Variants in SNCAIP observed in about 807,000 individuals in gnomAD.
SNCAIP encodes synuclein alpha interacting protein, also known as synphilin-1.
A neutral mutation model predicts 86.7 loss-of-function variants in SNCAIP; 43 were observed. That is an observed-to-expected ratio of 0.50 (90% CI 0.39 to 0.64). SNCAIP has a LOEUF of 0.64. SNCAIP is among the 30% of genes least tolerant of loss of function. SNCAIP has a pLI of 0.00. For synonymous variants in SNCAIP, 417 were observed against 427.2 expected (o/e 0.98, Z 0.29); for missense variants, 981 against 1,103.1 (o/e 0.89, Z 1.57).
At chr5:122,399,335 A>G (rs573550583) in intron 2 of SNCAIP, among the ~76,000 whole-genome samples, 14 of 152,292 alleles carry the variant, frequency 9.2e-5, no homozygotes, top group African/African-American at 3.1e-4. Context: ...TGAGCCCCAG[A>G]GATATTAAAT....
chr5:122,403,787 G>T lies in SNCAIP; in HGVS notation c.58-6G>T. ...TATGCCCTCTCTTCTCTGGCTTCCC[G>T]TTCAGTATTCAGTCACATCACTCAA... is the stretch of plus-strand genomic sequence containing the variant. On this transcript the variant is annotated splice_region_variant and splice_polypyrimidine_tract_variant and intron_variant, in intron 2 of 10. Coordinates refer to ENST00000261368, the MANE Select transcript of SNCAIP (RefSeq NM_005460.4). 6.2e-7 allele frequency: 1 copy of T among 1,611,674 alleles called. No homozygotes were observed. Among genetic ancestry groups the T allele is most frequent in the Non-Finnish European group, 8.5e-7 (1 of 1,177,874 alleles).
chr5:122,441,633 T>G (rs774427251), intron 7 of SNCAIP, among the ~76,000 whole-genome samples: 4 of 152,124 alleles, frequency 2.6e-5, no homozygotes, highest in Non-Finnish European at 5.9e-5. Flanking sequence ...AGAGCTGCCA[T>G]CCAAGTAGTG....
At chr5:122,404,205 A>G (rs555212965) in intron 3 of SNCAIP, among the ~76,000 whole-genome samples, 3 of 152,336 alleles carry the variant, frequency 2.0e-5, no homozygotes, top group East Asian at 1.9e-4. Flanking sequence ...TGCAGGCGCC[A>G]ATGAAAAAAT....
intron 4 of SNCAIP, among the ~76,000 whole-genome samples, chr5:122,424,451 C>T (rs911993998): frequency 6.6e-6 from 1 of 152,120 alleles, no homozygotes; most frequent in Non-Finnish European, 1.5e-5. Flanking sequence ...AGCCTGGGCT[C>T]GTACTATGAT....
chr5:122,429,120 C>A (rs184393487), intron 5 of SNCAIP, among the ~76,000 whole-genome samples: 5 of 151,142 alleles, frequency 3.3e-5, no homozygotes, highest in Admixed American at 1.3e-4. Context: ...TATAGATGAA[C>A]GAAAATGAAA....
At chr5:122,347,626 A>G (rs1229161541) in intron 1 of SNCAIP, among the ~76,000 whole-genome samples, 1 of 152,020 alleles carries the variant, frequency 6.6e-6, no homozygotes, top group African/African-American at 2.4e-5. Flanking sequence ...ATATATCCAT[A>G]TTGATCTTAC....
intron 1 of SNCAIP, among the ~76,000 whole-genome samples, chr5:122,387,315 C>T (rs371606515): frequency 7.7e-4 from 117 of 152,128 alleles, no homozygotes; most frequent in Non-Finnish European, 1.5e-3. Flanking sequence ...CCCACCACCA[C>T]GCCCGGCTAA....
At chr5:122,311,960 G>A (rs1378705420), upstream of SNCAIP, 1 of 149,078 alleles carries the variant, frequency 6.7e-6, no homozygotes, top group Non-Finnish European at 1.5e-5. Context: ...AGCGCAGCCT[G>A]AGGGCGCGGC....
At chr5:122,359,349 T>TATTTTTTTTTATTTA (rs1761740123) in intron 1 of SNCAIP, among the ~76,000 whole-genome samples, 1 of 142,182 alleles carries the variant, frequency 7.0e-6, no homozygotes, top group Admixed American at 7.1e-5. Flanking sequence ...AGATTTTTAT[T>TATTTTTTTTTATTTA]TTTATTTATT....
rs1254248593 is a variant in SNCAIP, at chr5:122,464,077, C to G, written c.*581C>G. The G allele has an allele frequency of 6.6e-6, 1 of 152,180 alleles. No individual in the cohort carries two copies. Among genetic ancestry groups the G allele is most frequent in the African/African-American group, 2.4e-5 (1 of 41,428 alleles). The allele number at this position is 152,180 out of a possible 1,614,324, so 9.4% of individuals were successfully genotyped here. A position where few individuals can be genotyped will look rare whatever the true frequency, so the allele number is the denominator to read the frequency against. On this transcript the variant is annotated 3_prime_UTR_variant, in exon 11 of 11. Transcript: ENST00000261368. The stretch of plus-strand genomic sequence containing the variant: ...GCCACCTATAAGCTTGGGGCACCTA[C>G]TTTCTAACAAATCTGTGATGTTCTG...
intron 1 of SNCAIP, among the ~76,000 whole-genome samples, chr5:122,314,309 G>A (rs1389912660): frequency 6.6e-6 from 1 of 152,240 alleles, no homozygotes; most frequent in African/African-American, 2.4e-5. Flanking sequence ...TTTCTTGCCA[G>A]ATTTAAGGCA....
rs1221236719 is a variant in SNCAIP, at chr5:122,358,203, G to GTGTATA, written c.-46-32885_-46-32884insGTATAT. On this transcript the variant is annotated intron_variant, in intron 1 of 10. Coordinates refer to ENST00000261368, the MANE Select transcript of SNCAIP (RefSeq NM_005460.4). ...TGTGTGTGTGTGTGTGTGTGTGTGT[G>GTGTATA]TATATATATATATATAAAATACTTT... is the stretch of plus-strand genomic sequence containing the variant. Among the ~76,000 whole-genome samples the GTGTATA allele has an allele frequency of 5.5e-3, 713 of 130,310 alleles. 3 individuals are homozygous for GTGTATA. Among genetic ancestry groups the GTGTATA allele is most frequent in the East Asian group, 0.039 (158 of 4,064 alleles). The allele number at this position is 130,310 out of a possible 152,430, so 85.5% of individuals were successfully genotyped here.
intron 7 of SNCAIP, 134 bp downstream of exon 7, chr5:122,440,888 GC>G: frequency 1.2e-6 from 1 of 841,616 alleles, no homozygotes; most frequent in Non-Finnish European, 1.9e-6. Flanking sequence ...AGGAATTATT[GC>G]TCTATTTGTG....
At chr5:122,329,036 CT>C (rs1271607527) in intron 1 of SNCAIP, among the ~76,000 whole-genome samples, 2 of 152,134 alleles carry the variant, frequency 1.3e-5, no homozygotes, top group Admixed American at 6.5e-5. Flanking sequence ...ATTATTTACT[CT>C]TCTCTGTCTC....
intron 1 of SNCAIP, among the ~76,000 whole-genome samples, chr5:122,344,916 T>A (rs1234626293): frequency 6.6e-6 from 1 of 152,212 alleles, no homozygotes; most frequent in Non-Finnish European, 1.5e-5. Flanking sequence ...ATGAATTTCA[T>A]CATGAAAATA....
chr5:122,397,334 A>G (rs1237115911), intron 2 of SNCAIP, among the ~76,000 whole-genome samples: 3 of 152,098 alleles, frequency 2.0e-5, no homozygotes, highest in South Asian at 2.1e-4. Context: ...AGATCATTCA[A>G]TACTGTGATC....
intron 1 of SNCAIP, among the ~76,000 whole-genome samples, chr5:122,349,643 CT>C (rs1185295516): frequency 1.3e-5 from 2 of 152,148 alleles, no homozygotes; most frequent in Admixed American, 6.6e-5. Flanking sequence ...TATTTCCTGT[CT>C]TTGGAGTAAT....
intron 5 of SNCAIP, among the ~76,000 whole-genome samples, chr5:122,431,707 A>G (rs1186776853): frequency 6.6e-6 from 1 of 152,208 alleles, no homozygotes; most frequent in Non-Finnish European, 1.5e-5. Flanking sequence ...TAGTATACAA[A>G]TTATACCTTA....
chr5:122,366,326 C>G (rs1381408752), intron 1 of SNCAIP, among the ~76,000 whole-genome samples: 1 of 152,174 alleles, frequency 6.6e-6, no homozygotes, highest in Non-Finnish European at 1.5e-5. Flanking sequence ...ATAGAAGACA[C>G]TGCCTGTGGC....
Sources: gnomAD v4.1 joint callset for allele counts (sites outside exome capture counted in the v4.1 genomes callset) on GRCh38, gnomAD v4.1.1 for gene constraint, MANE v1.5 for transcripts, NCBI Gene and HGNC (gene_info 2026-07-23, HGNC 2026-07-21) for gene names.